The following ADAMTS6 variants were observed in gnomAD, a reference collection of about 807,000 sequenced individuals.
ADAMTS6 encodes A disintegrin and metalloproteinase with thrombospondin motifs 6.
In ADAMTS6, 23 loss-of-function variants were observed where a neutral mutation model predicts 144.3. That is an observed-to-expected ratio of 0.16 (90% CI 0.11 to 0.23). The LOEUF (loss-of-function observed/expected upper bound fraction) is 0.23. Ranked by LOEUF, ADAMTS6 falls within the 10% of genes least tolerant of loss-of-function variation. The pLI is 1.00. For synonymous variants in ADAMTS6, 444 were observed against 457.5 expected (o/e 0.97, Z 0.38); for missense variants, 999 against 1,379.6 (o/e 0.72, Z 4.37).
rs1009237086 is a variant in ADAMTS6 at position 65,311,845 on chromosome 5, T to G, written c.1224-11714A>C. Among the ~76,000 whole-genome samples, 18 of 152,068 alleles carry G rather than the reference T, an allele frequency of 1.2e-4. 1 individual carries two copies. The highest frequency in any genetic ancestry group is 9.8e-4 in the Admixed American group (15 of 15,268). On this transcript the variant is annotated intron_variant, in intron 9 of 24. Coordinates refer to ENST00000381055, the MANE Select transcript of ADAMTS6 (RefSeq NM_197941.4). ...CTTTTTAAAATCATAACAGATGTTT[T>G]CAAACCAAACAGAAGATCTGTATAG... is the stretch of plus-strand genomic sequence containing the variant.
intron 21 of ADAMTS6, among the ~76,000 whole-genome samples, chr5:65,195,170 CAT>C (rs1184027490): frequency 6.6e-6 from 1 of 152,098 alleles, no homozygotes; most frequent in Non-Finnish European, 1.5e-5. Context: ...TTACTGGAAA[CAT>C]AGAAAGGGAC....
At chr5:65,185,871 A>AAACATAT (rs1754649628) in intron 22 of ADAMTS6, among the ~76,000 whole-genome samples, 1 of 152,230 alleles carries the variant, frequency 6.6e-6, no homozygotes, top group Admixed American at 6.5e-5. Context: ...TTTTATTTAA[A>AAACATAT]AACATATAAT....
chr5:65,431,653 A>C (rs1485371651), intron 7 of ADAMTS6, among the ~76,000 whole-genome samples: 1 of 152,156 alleles, frequency 6.6e-6, no homozygotes, highest in African/African-American at 2.4e-5. Context: ...TCCTGATATT[A>C]GTTTTCTAAC....
chr5:65,299,344 A>T (rs1489998532), intron 10 of ADAMTS6, among the ~76,000 whole-genome samples: 1 of 152,190 alleles, frequency 6.6e-6, no homozygotes, highest in Non-Finnish European at 1.5e-5. Context: ...ATCAGTTTCC[A>T]AAGTACAATC....
chr5:65,363,337 C>T (rs1292014565), intron 7 of ADAMTS6, among the ~76,000 whole-genome samples: 1 of 152,122 alleles, frequency 6.6e-6, no homozygotes, highest in Non-Finnish European at 1.5e-5. Flanking sequence ...ATGGTTTAAT[C>T]TACGACCAGC....
chr5:65,417,332 C>T (rs576755721), intron 7 of ADAMTS6, among the ~76,000 whole-genome samples: 1 of 152,266 alleles, frequency 6.6e-6, no homozygotes, highest in Admixed American at 6.5e-5. Context: ...ACAAGGATGA[C>T]CACTCTCACC....
chr5:65,221,362 T>C (rs67872027), intron 18 of ADAMTS6, among the ~76,000 whole-genome samples: 18,711 of 152,212 alleles, frequency 0.12, 1,398 homozygotes, highest in African/African-American at 0.2. Context: ...TCAATTTATT[T>C]ACTATATTAA....
chr5:65,355,521 C>G (rs1183357218), intron 7 of ADAMTS6, among the ~76,000 whole-genome samples: 1 of 151,830 alleles, frequency 6.6e-6, no homozygotes, highest in South Asian at 2.1e-4. Flanking sequence ...TAAAGATAAC[C>G]TTTCTCTCAC....
chr5:65,200,097 T>C (rs1755637839), intron 20 of ADAMTS6, among the ~76,000 whole-genome samples: 1 of 152,176 alleles, frequency 6.6e-6, no homozygotes, highest in Admixed American at 6.5e-5. Flanking sequence ...GAATTGACTA[T>C]ATCAGTAATC....
At chr5:65,408,021 T>C (rs920319897) in intron 7 of ADAMTS6, among the ~76,000 whole-genome samples, 5 of 152,122 alleles carry the variant, frequency 3.3e-5, no homozygotes, top group African/African-American at 7.2e-5. Context: ...AAGGAACAAC[T>C]GGTACCAGCC....
chr5:65,283,419 A>G (rs1490963384), intron 11 of ADAMTS6, among the ~76,000 whole-genome samples: 3 of 152,156 alleles, frequency 2.0e-5, no homozygotes, highest in East Asian at 3.9e-4. Context: ...ATAACTAATC[A>G]CCAACTTAAA....
chr5:65,155,687 A>G (rs1752372790), intron 24 of ADAMTS6, among the ~76,000 whole-genome samples: 1 of 152,220 alleles, frequency 6.6e-6, no homozygotes, highest in Non-Finnish European at 1.5e-5. Context: ...TCACACAGCT[A>G]GTTGGTCTAA....
chr5:65,255,349 C>A (rs1760555497), intron 14 of ADAMTS6, among the ~76,000 whole-genome samples: 1 of 151,958 alleles, frequency 6.6e-6, no homozygotes, highest in Non-Finnish European at 1.5e-5. Context: ...GTGATGATTT[C>A]TGAGATTCTG....
chr5:65,473,041 A>C (rs539353756), intron 2 of ADAMTS6, among the ~76,000 whole-genome samples: 1 of 152,198 alleles, frequency 6.6e-6, no homozygotes, highest in Non-Finnish European at 1.5e-5. Flanking sequence ...TTTCTACGAT[A>C]TAAAGCTCAA....
intron 7 of ADAMTS6, among the ~76,000 whole-genome samples, chr5:65,378,285 C>G (rs1561481961): frequency 6.6e-6 from 1 of 152,140 alleles, no homozygotes; most frequent in Non-Finnish European, 1.5e-5. Flanking sequence ...CCCTTTCATT[C>G]TTCTCCCATA....
intron 10 of ADAMTS6, among the ~76,000 whole-genome samples, chr5:65,292,811 C>A (rs1742449991): frequency 6.6e-6 from 1 of 152,044 alleles, no homozygotes; most frequent in Admixed American, 6.6e-5. Flanking sequence ...CTGGCTACTA[C>A]AATCATTTCA....
intron 11 of ADAMTS6, among the ~76,000 whole-genome samples, chr5:65,279,780 TCTCATTTCAACCA>T (rs1762848286): frequency 6.6e-6 from 1 of 152,212 alleles, no homozygotes; most frequent in Non-Finnish European, 1.5e-5. Context: ...AGTTAGACCT[TCTCATTTCAACCA>T]CCTATTTCTT....
In ADAMTS6 at chr5:65,215,367, G is replaced by A. The variant is rs149141130; in HGVS notation, c.2393C>T (p.Ser798Phe). ...TGAGGTAGGACCTAGAGCTTCCAAGGATTCTGGTTCATCAGTTGGTCTCTT... is the reference window on the plus strand; with the variant it reads ...TGAGGTAGGACCTAGAGCTTCCAAGAATTCTGGTTCATCAGTTGGTCTCTT... ...HYKRPTDEPESLEALGPTSEN... is the reference protein window; with the variant it reads ...HYKRPTDEPEFLEALGPTSEN... The change falls in exon 19 of 25, where the codon TCC (serine) becomes TTC (phenylalanine). Residue 798 changes from serine (S) to phenylalanine (F), a missense_variant. This residue lies in a region of ADAMTS6 where 619 missense variants were observed against 837.0 expected (regional missense o/e 0.74). Transcript: ENST00000381055. 7.3e-4 allele frequency: 1,179 copies of A among 1,614,058 alleles called. No individual in the cohort carries two copies. Among genetic ancestry groups the A allele is most frequent in the Admixed American group, 1.5e-3 (88 of 60,020 alleles).
intron 10 of ADAMTS6, among the ~76,000 whole-genome samples, chr5:65,295,194 G>A (rs1357632126): frequency 6.6e-6 from 1 of 151,866 alleles, no homozygotes; most frequent in Non-Finnish European, 1.5e-5. Context: ...ATGTCTCCTG[G>A]TATAAATGTG....
Sources: allele counts gnomAD v4.1 joint callset (sites outside exome capture counted in the v4.1 genomes callset), GRCh38; gene constraint gnomAD v4.1.1; regional missense constraint gnomAD v4.1.1; transcripts MANE v1.5; gene names NCBI Gene and HGNC (gene_info 2026-07-23, HGNC 2026-07-21).